The following PREX1 variants were observed in gnomAD, a reference collection of about 807,000 sequenced individuals.
The protein encoded by PREX1 is phosphatidylinositol-3,4,5-trisphosphate dependent Rac exchange factor 1.
Under a neutral mutation model 198.3 loss-of-function variants are expected in PREX1, and 41 were observed. The observed-to-expected ratio is 0.21, with a 90% CI of 0.16 to 0.27. PREX1 has a LOEUF of 0.27. Ranked by LOEUF, PREX1 falls within the 10% of genes least tolerant of loss-of-function variation. The probability of loss-of-function intolerance (pLI) is 1.00; values close to 1 mark genes in which losing one functional copy is unlikely to be tolerated. For missense variants in PREX1, 1,620 were observed against 2,200.7 expected (o/e 0.74, Z 5.28); for synonymous variants, 843 against 887.2 (o/e 0.95, Z 0.89).
At chr20:48,726,668 T>A (rs2090011735) in intron 4 of PREX1, among the ~76,000 whole-genome samples, 1 of 152,184 alleles carries the variant, frequency 6.6e-6, no homozygotes, top group South Asian at 2.1e-4. Context: ...AGAGCTGAGT[T>A]GTTGGGGAAA....
the PREX1 span, among the ~76,000 whole-genome samples, chr20:48,887,855 C>G: frequency 2.1e-4 from 32 of 151,242 alleles, 1 homozygote; most frequent in African/African-American, 7.5e-4. Flanking sequence ...GAGGCTGAGG[C>G]GGGAGAATGG....
intron 32 of PREX1, among the ~76,000 whole-genome samples, chr20:48,636,223 G>C (rs1029269182): frequency 1.3e-5 from 2 of 152,262 alleles, no homozygotes; most frequent in African/African-American, 4.8e-5. Context: ...TGTTATCTGT[G>C]TGTGTGTGCC....
chr20:48,768,401 C>T (rs369815298), intron 1 of PREX1, among the ~76,000 whole-genome samples: 28 of 152,232 alleles, frequency 1.8e-4, no homozygotes, highest in South Asian at 1.7e-3. Flanking sequence ...ATGGCCCAAG[C>T]GAAAGAAGCC....
chr20:48,802,913 G>A (rs971130809), intron 1 of PREX1, among the ~76,000 whole-genome samples: 19 of 152,208 alleles, frequency 1.2e-4, no homozygotes, highest in Non-Finnish European at 2.9e-5. Context: ...AGTGAGGAGC[G>A]GGCAAGCCAA....
In PREX1 at chr20:48,649,557, C is replaced by T. The variant is rs1184689118; in HGVS notation, c.3048G>A (p.Ser1016=). 7.5e-6 allele frequency: 12 copies of T among 1,602,382 alleles called. No homozygotes were observed. The highest frequency in any genetic ancestry group is 2.3e-5 in the East Asian group (1 of 44,352). Residue 1016 remains serine (S), a synonymous_variant, in exon 25 of 40, where the codon TCG becomes TCA. Coordinates refer to ENST00000371941, the MANE Select transcript of PREX1 (RefSeq NM_020820.4). ...TGGTGGTGATGCAGTGCTGGGTGTA[C>T]GACATGGGGTTCAGGTGGCCTGCAG... The part of the protein sequence containing the change: ...DPEQGHLNPM[S]YTQHCITTMA...
intron 30 of PREX1, among the ~76,000 whole-genome samples, chr20:48,638,221 C>A (rs2089381021): frequency 6.6e-6 from 1 of 152,154 alleles, no homozygotes. Flanking sequence ...CCCACACAAG[C>A]ACACAGCAGA....
rs1296173236 is a variant in PREX1, at chr20:48,774,818, G to A, written c.220-26938C>T. Among the ~76,000 whole-genome samples the A allele has an allele frequency of 3.3e-5, 5 of 152,368 alleles. No individual in the cohort carries two copies. The East Asian group carries it at 5.8e-4, about 18-fold the overall frequency. ...CCTCCGCTGCCCTGGCCAGGCACAT[G>A]GTGGCCCACAGAGATTTTCCATCAG... On this transcript the variant is annotated intron_variant, in intron 1 of 39. Coordinates refer to ENST00000371941, the MANE Select transcript of PREX1 (RefSeq NM_020820.4).
chr20:48,662,035 G>C (rs1424914407), intron 15 of PREX1, among the ~76,000 whole-genome samples: 2 of 152,196 alleles, frequency 1.3e-5, no homozygotes, highest in Non-Finnish European at 2.9e-5. Context: ...GGCTTTTTCT[G>C]GATGTGGTGA....
At chr20:48,632,778 C>G in intron 33 of PREX1, 139 bp from the exon 34 acceptor site, 1 of 892,408 alleles carries the variant, frequency 1.1e-6, no homozygotes, top group South Asian at 1.7e-5. Context: ...GTTCTCCCGA[C>G]TCTACAGGGG....
chr20:48,760,698 G>T (rs941602835), intron 1 of PREX1, among the ~76,000 whole-genome samples: 1 of 152,100 alleles, frequency 6.6e-6, no homozygotes, highest in African/African-American at 2.4e-5. Flanking sequence ...ATTCTAGGGG[G>T]ACAAGTCCTC....
chr20:48,863,059 C>CT, the PREX1 span, among the ~76,000 whole-genome samples: 1 of 152,022 alleles, frequency 6.6e-6, no homozygotes, highest in Non-Finnish European at 1.5e-5. Flanking sequence ...AACTCCTGAC[C>CT]TCAAGTGATC....
chr20:48,736,474 T>A (rs1027728545), intron 3 of PREX1, among the ~76,000 whole-genome samples: 1 of 152,198 alleles, frequency 6.6e-6, no homozygotes, highest in African/African-American at 2.4e-5. Context: ...TGCAGTCCAC[T>A]GAGATGCCAA....
intron 5 of PREX1, among the ~76,000 whole-genome samples, chr20:48,715,887 A>T (rs1358480306): frequency 7.9e-5 from 12 of 151,978 alleles, no homozygotes; most frequent in Non-Finnish European, 7.4e-5. Flanking sequence ...TTATCATCCC[A>T]CTCTATATAT....
the PREX1 span, among the ~76,000 whole-genome samples, chr20:48,885,825 T>C: frequency 2.6e-5 from 4 of 152,290 alleles, no homozygotes; most frequent in African/African-American, 9.6e-5. Context: ...CTACATCCTG[T>C]CTGATTTCAA....
At chr20:48,747,105 G>A (rs1314187083) in intron 2 of PREX1, among the ~76,000 whole-genome samples, 2 of 150,102 alleles carry the variant, frequency 1.3e-5, no homozygotes, top group African/African-American at 4.9e-5. Flanking sequence ...GTGTAGAGCT[G>A]TCAACATGCA....
Position 48,753,110 on chromosome 20 carries a change from T to A in PREX1, c.220-5230A>T, listed in dbSNP as rs967232820. Among the ~76,000 whole-genome samples the A allele has an allele frequency of 2.6e-5, 4 of 152,164 alleles. No individual in the cohort carries two copies. The East Asian group carries it at 7.7e-4, about 29-fold the overall frequency. On this transcript the variant is annotated intron_variant, in intron 1 of 39. Transcript: ENST00000371941. ...GAGACTGTTTACTCAGCTCCCAGCC[T>A]GAGTGTTTCCAGGGTCCCCAGAGCT...
chr20:48,718,162 T>C (rs2089970524), intron 5 of PREX1, among the ~76,000 whole-genome samples: 1 of 152,230 alleles, frequency 6.6e-6, no homozygotes, highest in South Asian at 2.1e-4. Flanking sequence ...GGTAGGTCTC[T>C]ACTGACCCTC....
At chr20:48,672,568 T>A (rs921091834) in intron 14 of PREX1, among the ~76,000 whole-genome samples, 38 of 152,224 alleles carry the variant, frequency 2.5e-4, no homozygotes, top group Non-Finnish European at 4.9e-4. Flanking sequence ...CCTGGCATGG[T>A]GCGCCCACGC....
chr20:48,681,272 C>G lies in PREX1; in HGVS notation c.1398G>C (p.Leu466Phe). 6.2e-7 allele frequency: 1 copy of G among 1,614,244 alleles called. No individual in the cohort carries two copies. Among genetic ancestry groups the G allele is most frequent in the Non-Finnish European group, 8.5e-7 (1 of 1,180,036 alleles). ...TGCCATTCTCCAACAGGGCTTGGCC[C>G]AAGTTGACTCCTTCTTCCGTCTTGC... Reference protein sequence around the residue: ...EISKTEEGVNLGQALLENGII... With the variant: ...EISKTEEGVNFGQALLENGII... The change falls in exon 11 of 40, where the codon TTG becomes TTC. Residue 466 changes from leucine (L) to phenylalanine (F), a missense_variant. This residue lies in a region of PREX1 where 488 missense variants were observed against 802.5 expected (regional missense o/e 0.61). Transcript: ENST00000371941.
Sources: allele counts gnomAD v4.1 joint callset (sites outside exome capture counted in the v4.1 genomes callset), GRCh38; gene constraint gnomAD v4.1.1; regional missense constraint gnomAD v4.1.1; transcripts MANE v1.5; gene names NCBI Gene and HGNC (gene_info 2026-07-23, HGNC 2026-07-21).